ZCWPW2: variants seen among roughly 807,000 people sequenced by gnomAD.
The protein encoded by ZCWPW2 is zinc finger CW-type and PWWP domain containing 2.
ZCWPW2 carries 45 observed loss-of-function variants against 46.6 expected under a neutral mutation model. The ratio of observed to expected loss-of-function variants is 0.96; its 90% CI spans 0.76 to 1.24. ZCWPW2 has a LOEUF of 1.24. ZCWPW2 is among the 50% of genes most tolerant of loss of function. The probability of loss-of-function intolerance (pLI) is 0.00; values close to 1 mark genes in which losing one functional copy is unlikely to be tolerated. For missense variants in ZCWPW2, 429 were observed against 403.9 expected (o/e 1.06, Z -0.53); for synonymous variants, 152 against 137.1 (o/e 1.11, Z -0.76).
At chr3:28,383,057 C>G (rs1316256551) in intron 1 of ZCWPW2, among the ~76,000 whole-genome samples, 1 of 152,138 alleles carries the variant, frequency 6.6e-6, no homozygotes, top group Non-Finnish European at 1.5e-5. Context: ...GCAGACTTAG[C>G]TTTCTAGTGC....
intron 4 of ZCWPW2, among the ~76,000 whole-genome samples, chr3:28,458,070 G>A (rs953126544): frequency 6.6e-6 from 1 of 152,096 alleles, no homozygotes. Context: ...ATGGGCTAAG[G>A]AACTCTTTAT....
chr3:28,448,601 A>G (rs977110978), intron 4 of ZCWPW2, among the ~76,000 whole-genome samples: 3 of 151,750 alleles, frequency 2.0e-5, no homozygotes, highest in Admixed American at 1.3e-4. Flanking sequence ...CCTGGCCACC[A>G]TGGAAAAACC....
intron 6 of ZCWPW2, among the ~76,000 whole-genome samples, chr3:28,505,095 C>T (rs1700241940): frequency 6.6e-6 from 1 of 152,082 alleles, no homozygotes; most frequent in Non-Finnish European, 1.5e-5. Flanking sequence ...TAATCAAAGC[C>T]CTTTTATGCC....
chr3:28,365,072 A>G (rs573647803), intron 1 of ZCWPW2, among the ~76,000 whole-genome samples: 1,719 of 151,758 alleles, frequency 0.011, 21 homozygotes, highest in South Asian at 0.022. Context: ...AGTAGATTGC[A>G]AAAATTTTCT....
intron 6 of ZCWPW2, among the ~76,000 whole-genome samples, chr3:28,507,331 CTTG>C (rs1256146477): frequency 6.6e-5 from 10 of 152,028 alleles, no homozygotes; most frequent in African/African-American, 1.4e-4. Flanking sequence ...GTACTTTTCA[CTTG>C]TTGTTATCTT....
intron 1 of ZCWPW2, among the ~76,000 whole-genome samples, chr3:28,371,609 T>C (rs1330772769): frequency 6.6e-6 from 1 of 152,080 alleles, no homozygotes; most frequent in African/African-American, 2.4e-5. Context: ...CAGGGAGCTA[T>C]GATTGTGCCA....
intron 2 of ZCWPW2, among the ~76,000 whole-genome samples, chr3:28,404,671 T>C (rs1696085130): frequency 1.3e-5 from 2 of 152,102 alleles, no homozygotes; most frequent in African/African-American, 4.8e-5. Context: ...GAAACAGTGA[T>C]ATATATATAA....
intron 6 of ZCWPW2, among the ~76,000 whole-genome samples, chr3:28,495,752 G>GA (rs1002989804): frequency 1.3e-5 from 2 of 151,870 alleles, no homozygotes; most frequent in African/African-American, 2.4e-5. Context: ...ATAGACTGGG[G>GA]AAAAAACTGA....
intron 4 of ZCWPW2, chr3:28,461,072 C>G: frequency 4.8e-6 from 1 of 209,372 alleles, no homozygotes; most frequent in Non-Finnish European, 1.1e-5. Context: ...TTTTGAAGCT[C>G]TATAAAGAAG....
intron 3 of ZCWPW2, among the ~76,000 whole-genome samples, chr3:28,432,903 A>G (rs963355002): frequency 6.6e-6 from 1 of 152,192 alleles, no homozygotes; most frequent in African/African-American, 2.4e-5. Flanking sequence ...CCATCATTCT[A>G]TCCCTGGTCT....
chr3:28,489,916 G>T (rs1699749112), intron 5 of ZCWPW2, among the ~76,000 whole-genome samples: 1 of 152,018 alleles, frequency 6.6e-6, no homozygotes, highest in Non-Finnish European at 1.5e-5. Context: ...CTACAGAATG[G>T]GAGAAAATAT....
chr3:28,442,589 G>A (rs1697809602), intron 4 of ZCWPW2, among the ~76,000 whole-genome samples: 1 of 152,210 alleles, frequency 6.6e-6, no homozygotes. Context: ...CCAGCTGAAG[G>A]CAAATTGCTT....
chr3:28,513,325 A>T (rs1700478286), intron 6 of ZCWPW2, among the ~76,000 whole-genome samples: 1 of 152,144 alleles, frequency 6.6e-6, no homozygotes, highest in Non-Finnish European at 1.5e-5. Flanking sequence ...CGTGTTAATT[A>T]TTCGATTGGG....
rs1427553334 is a variant in ZCWPW2 at position 28,413,339 on chromosome 3, AT to A, written c.273del (p.Ile91MetfsTer14). ...ESQLHQCGFKIVYSQLPLGSL... is the reference protein window; with the variant it reads ...ESQLHQCGFKXVYSQLPLGSL... ...TCAGCTTCATCAGTGTGGATTTAAG[AT>A]TGTCTATTCACAGCTCCCTCTTGGA... On this transcript the variant is annotated frameshift_variant, in exon 3 of 10. Coordinates refer to ENST00000383768, the MANE Select transcript of ZCWPW2 (RefSeq NM_001040432.4). LOFTEE classifies it high-confidence loss of function. 2 of 1,612,972 alleles carry A rather than the reference AT, an allele frequency of 1.2e-6. No homozygotes were observed. The highest frequency in any genetic ancestry group is 1.7e-6 in the Non-Finnish European group (2 of 1,179,382).
chr3:28,447,085 T>G (rs751656713), intron 4 of ZCWPW2, among the ~76,000 whole-genome samples: 1 of 152,068 alleles, frequency 6.6e-6, no homozygotes, highest in Non-Finnish European at 1.5e-5. Context: ...TACCAAACAC[T>G]TAAAGAACAA....
At chr3:28,375,690 A>G (rs62251143) in intron 1 of ZCWPW2, among the ~76,000 whole-genome samples, 27,379 of 151,514 alleles carry the variant, frequency 0.18, 3,259 homozygotes, top group Admixed American at 0.26. Context: ...ATTATTGACT[A>G]TAGTCATCCT....
chr3:28,355,134 T>A (rs1478340607), intron 1 of ZCWPW2, among the ~76,000 whole-genome samples: 1 of 152,252 alleles, frequency 6.6e-6, no homozygotes, highest in Non-Finnish European at 1.5e-5. Flanking sequence ...CTCCTTAAGC[T>A]GATAGGCAAC....
intron 6 of ZCWPW2, among the ~76,000 whole-genome samples, chr3:28,506,763 T>G (rs1361318989): frequency 5.3e-5 from 8 of 152,090 alleles, no homozygotes; most frequent in Non-Finnish European, 1.0e-4. Flanking sequence ...CCTAGGAAAC[T>G]AGTGTACTAC....
At chr3:28,424,725 C>T (rs55859737) in intron 3 of ZCWPW2, among the ~76,000 whole-genome samples, 3,124 of 152,176 alleles carry the variant, frequency 0.021, 107 homozygotes, top group African/African-American at 0.062. Flanking sequence ...TGTCTTTGCA[C>T]GTATGGGAAA....
Sources: allele counts gnomAD v4.1 joint callset (sites outside exome capture counted in the v4.1 genomes callset), GRCh38; gene constraint gnomAD v4.1.1; transcripts MANE v1.5; gene names NCBI Gene and HGNC (gene_info 2026-07-23, HGNC 2026-07-21).